Variants in CLNK observed in about 807,000 individuals in gnomAD.
CLNK encodes the protein cytokine dependent hematopoietic cell linker, also known as cytokine-dependent hematopoietic cell linker.
A neutral mutation model predicts 68.6 loss-of-function variants in CLNK; 74 were observed. That is an observed-to-expected ratio of 1.08 (90% CI 0.89 to 1.31). CLNK has a LOEUF of 1.31. CLNK is among the 50% of genes most tolerant of loss of function. CLNK has a pLI of 0.00. For missense variants in CLNK, 553 were observed against 515.3 expected (o/e 1.07, Z -0.71); for synonymous variants, 198 against 172.2 (o/e 1.15, Z -1.17).
At chr4:10,686,363 T>C (rs1397285349), upstream of CLNK, among the ~76,000 whole-genome samples, 1 of 152,080 alleles carries the variant, frequency 6.6e-6, no homozygotes, top group Non-Finnish European at 1.5e-5. Context: ...AAATGAATTT[T>C]AGCTGGGACG....
At chr4:10,520,731 C>T in intron 15 of CLNK, 60 bp downstream of exon 15, 3 of 1,311,200 alleles carry the variant, frequency 2.3e-6, no homozygotes, top group Non-Finnish European at 3.3e-6. Flanking sequence ...AGTCACAGTG[C>T]CACAATATCA....
chr4:10,634,604 T>G (rs1393435471), intron 2 of CLNK, among the ~76,000 whole-genome samples: 1 of 152,206 alleles, frequency 6.6e-6, no homozygotes, highest in Non-Finnish European at 1.5e-5. Flanking sequence ...CTAATTACTC[T>G]AAGTACTTTC....
intron 2 of CLNK, 54 bp downstream of exon 2, chr4:10,667,805 C>A: frequency 6.5e-7 from 1 of 1,530,550 alleles, no homozygotes. Context: ...AAAACACCTC[C>A]TGTCCCCACC....
At chr4:10,693,889 G>A in the CLNK span, among the ~76,000 whole-genome samples, 1 of 152,138 alleles carries the variant, frequency 6.6e-6, no homozygotes, top group Non-Finnish European at 1.5e-5. Flanking sequence ...GTTGCAGAGT[G>A]AGGAGATCGC....
At chr4:10,501,813 G>A (rs1717066928) in intron 17 of CLNK, among the ~76,000 whole-genome samples, 1 of 152,184 alleles carries the variant, frequency 6.6e-6, no homozygotes, top group Admixed American at 6.5e-5. Flanking sequence ...TGTAATCCCA[G>A]CTACTCAGGA....
At chr4:10,647,218 G>T (rs1426289833) in intron 2 of CLNK, among the ~76,000 whole-genome samples, 1 of 152,174 alleles carries the variant, frequency 6.6e-6, no homozygotes, top group Non-Finnish European at 1.5e-5. Context: ...TGTATCAAGA[G>T]ATCATTCATT....
chr4:10,499,806 C>T (rs996554063), intron 18 of CLNK, among the ~76,000 whole-genome samples: 1 of 152,084 alleles, frequency 6.6e-6, no homozygotes, highest in South Asian at 2.1e-4. Context: ...ATGGTCGACC[C>T]TTCCCAGTGT....
At chr4:10,564,559 G>T in intron 7 of CLNK, 112 bp downstream of exon 7, 3 of 740,440 alleles carry the variant, frequency 4.1e-6, no homozygotes, top group South Asian at 3.2e-5. Context: ...CAGTGAGCTT[G>T]ACCTGCTCTT....
At chr4:10,593,932 A>T (rs926372115) in intron 3 of CLNK, among the ~76,000 whole-genome samples, 2 of 152,182 alleles carry the variant, frequency 1.3e-5, no homozygotes, top group Non-Finnish European at 2.9e-5. Context: ...TTGGAAAGTG[A>T]AGATGTGGAT....
chr4:10,494,698 A>G (rs1444267694), intron 18 of CLNK, among the ~76,000 whole-genome samples: 4 of 152,172 alleles, frequency 2.6e-5, no homozygotes, highest in African/African-American at 7.2e-5. Flanking sequence ...ACCTCAAGTG[A>G]TCCACCCGCC....
chr4:10,661,052 A>C (rs993269655), intron 2 of CLNK, among the ~76,000 whole-genome samples: 2 of 152,218 alleles, frequency 1.3e-5, no homozygotes, highest in African/African-American at 4.8e-5. Flanking sequence ...CTCTGATCTC[A>C]GGGTGCCAAA....
At chr4:10,595,842 G>A (rs1338022201) in intron 3 of CLNK, among the ~76,000 whole-genome samples, 1 of 152,038 alleles carries the variant, frequency 6.6e-6, no homozygotes, top group Non-Finnish European at 1.5e-5. Context: ...TCCAGTGAGG[G>A]TTACCTATTA....
intron 2 of CLNK, among the ~76,000 whole-genome samples, chr4:10,609,196 A>T (rs1721910292): frequency 6.6e-6 from 1 of 152,190 alleles, no homozygotes; most frequent in Non-Finnish European, 1.5e-5. Flanking sequence ...TCTTTTCCCC[A>T]TACTCCTACC....
chr4:10,690,580 T>G, the CLNK span, among the ~76,000 whole-genome samples: 1 of 152,242 alleles, frequency 6.6e-6, no homozygotes, highest in African/African-American at 2.4e-5. Context: ...GAGCTCACAC[T>G]ACTTTTCCCC....
the CLNK span, chr4:10,692,196 T>C: frequency 1.3e-5 from 2 of 152,176 alleles, no homozygotes; most frequent in African/African-American, 4.8e-5. Context: ...TATTTGAAGT[T>C]TAGTCTACAA....
At chr4:10,561,714 GC>G (rs1388171369) in intron 7 of CLNK, among the ~76,000 whole-genome samples, 1 of 152,128 alleles carries the variant, frequency 6.6e-6, no homozygotes, top group African/African-American at 2.4e-5. Context: ...CTCTCAGACA[GC>G]CCCTGGGGGA....
At chr4:10,677,392 A>G (rs1026724534) in intron 1 of CLNK, among the ~76,000 whole-genome samples, 1 of 152,140 alleles carries the variant, frequency 6.6e-6, no homozygotes, top group Non-Finnish European at 1.5e-5. Flanking sequence ...TGTGAGGGAA[A>G]TTTAAAATCC....
At chr4:10,613,964 AC>A (rs1201269453) in intron 2 of CLNK, among the ~76,000 whole-genome samples, 1 of 152,188 alleles carries the variant, frequency 6.6e-6, no homozygotes, top group Non-Finnish European at 1.5e-5. Flanking sequence ...CCAGGTGCTG[AC>A]CAAGGACCCT....
intron 8 of CLNK, among the ~76,000 whole-genome samples, chr4:10,548,569 G>A (rs2159245): frequency 0.35 from 53,222 of 152,030 alleles, 9,591 homozygotes; most frequent in African/African-American, 0.43. Context: ...TACCCAAAAA[G>A]TCATTGGCAA....
Sources: allele counts gnomAD v4.1 joint callset (sites outside exome capture counted in the v4.1 genomes callset), GRCh38; gene constraint gnomAD v4.1.1; transcripts MANE v1.5; gene names NCBI Gene and HGNC (gene_info 2026-07-23, HGNC 2026-07-21).